The following APLP2 variants were observed in gnomAD, a reference collection of about 807,000 sequenced individuals.
APLP2 encodes amyloid beta precursor like protein 2.
In APLP2, 53 loss-of-function variants were observed where a neutral mutation model predicts 89.9. That is an observed-to-expected ratio of 0.59 (90% CI 0.47 to 0.74). The LOEUF is 0.74. APLP2 is among the 30% of genes least tolerant of loss of function. The probability of loss-of-function intolerance (pLI) is 0.00; values close to 1 mark genes in which losing one functional copy is unlikely to be tolerated. For synonymous variants in APLP2, 372 were observed against 348.6 expected (o/e 1.07, Z -0.75); for missense variants, 973 against 975.9 (o/e 1.00, Z 0.04).
chr11:130,122,775 C>T (rs913759904), intron 6 of APLP2, among the ~76,000 whole-genome samples: 2 of 152,176 alleles, frequency 1.3e-5, no homozygotes, highest in Non-Finnish European at 2.9e-5. Context: ...GTCCGCCCTT[C>T]AGCAGGATTC....
Position 130,123,704 on chromosome 11 carries a change from A to G in APLP2, c.1015A>G (p.Ile339Val). 1 of 1,614,268 alleles carries G rather than the reference A, an allele frequency of 6.2e-7. No homozygotes were observed. Among genetic ancestry groups the G allele is most frequent in the South Asian group, 1.1e-5 (1 of 91,090 alleles). Residue 339 changes from isoleucine (I) to valine (V), a missense_variant, in exon 7 of 17, where the codon ATA becomes GTA. Coordinates refer to ENST00000338167, the MANE Select transcript of APLP2 (RefSeq NM_001142276.2). The surrounding 1 kb of genome is among the most constrained non-coding windows in gnomAD (Gnocchi z 4.0). ...CTCCAAGGGAAAGTGCGTGCGCTTT[A>G]TATATGGTGGCTGCGGCGGCAACAG... ...DLSKGKCVRF[I>V]YGGCGGNRNN...
intron 3 of APLP2, among the ~76,000 whole-genome samples, chr11:130,119,994 A>G (rs1949636110): frequency 6.6e-6 from 1 of 152,222 alleles, no homozygotes; most frequent in Non-Finnish European, 1.5e-5. Flanking sequence ...GATATTTTTT[A>G]AGAGTCCATG....
At chr11:130,140,246 C>G in intron 13 of APLP2, 152 bp from the exon 14 acceptor site, 1 of 538,184 alleles carries the variant, frequency 1.9e-6, no homozygotes, top group Non-Finnish European at 3.3e-6. Context: ...CACAGGGCAC[C>G]CTCAGACTTG....
At chr11:130,134,380 G>A (rs552228749) in intron 12 of APLP2, among the ~76,000 whole-genome samples, 151 of 152,294 alleles carry the variant, frequency 9.9e-4, no homozygotes, top group African/African-American at 3.3e-3. Flanking sequence ...GGTAGCAGAG[G>A]GAGCGGCAGC....
At chr11:130,125,565 T>C (rs1033871071) in intron 7 of APLP2, among the ~76,000 whole-genome samples, 9 of 152,232 alleles carry the variant, frequency 5.9e-5, no homozygotes, top group Non-Finnish European at 2.9e-5. Flanking sequence ...GTCTGTTAAA[T>C]GGGCAAATAA....
chr11:130,090,758 C>G (rs879989224), intron 1 of APLP2, among the ~76,000 whole-genome samples: 1 of 152,238 alleles, frequency 6.6e-6, no homozygotes, highest in South Asian at 2.1e-4. Flanking sequence ...CATCCTGGCC[C>G]GCTCTCAATG....
chr11:130,129,180 G>C lies in APLP2; in HGVS notation c.1429G>C (p.Ala477Pro). 1 of 1,613,748 alleles carries C rather than the reference G, an allele frequency of 6.2e-7. No individual in the cohort carries two copies. Among genetic ancestry groups the C allele is most frequent in the Non-Finnish European group, 8.5e-7 (1 of 1,179,816 alleles). ...TCGGATGGCTCTGGAGAACTACCTG[G>C]CTGCCTTGCAGTCTGACCCGCCACG... The part of the protein sequence containing the change: ...RRRMALENYL[A>P]ALQSDPPRPH... Residue 477 changes from alanine (A) to proline (P), a missense_variant, in exon 10 of 17, where the codon GCT becomes CCT. Ala to Pro is a conservative substitution (Grantham distance 27). Transcript: ENST00000338167.
chr11:130,082,305 T>C (rs955147130), intron 1 of APLP2, among the ~76,000 whole-genome samples: 1 of 152,100 alleles, frequency 6.6e-6, no homozygotes, highest in African/African-American at 2.4e-5. Context: ...TGCCTCAGCC[T>C]CCTGAGCAGC....
chr11:130,094,414 C>A (rs1360515289), intron 1 of APLP2, among the ~76,000 whole-genome samples: 1 of 152,014 alleles, frequency 6.6e-6, no homozygotes, highest in Non-Finnish European at 1.5e-5. Flanking sequence ...GTCTTGAATT[C>A]TTGACCTCAA....
At chr11:130,132,145 C>T (rs963336393) in intron 11 of APLP2, among the ~76,000 whole-genome samples, 31 of 152,298 alleles carry the variant, frequency 2.0e-4, no homozygotes, top group African/African-American at 7.0e-4. Flanking sequence ...CTGTCTCACA[C>T]GGCTCCCGGT....
intron 1 of APLP2, chr11:130,101,784 G>A (rs1946963321): frequency 3.0e-6 from 1 of 328,462 alleles, no homozygotes; most frequent in Non-Finnish European, 6.0e-6. Flanking sequence ...TCAAAACCAG[G>A]AGGTTTGCAC....
Position 130,129,085 on chromosome 11 carries a change from C to T in APLP2, c.1334C>T (p.Ala445Val), listed in dbSNP as rs1033060111. 6.2e-7 allele frequency: 1 copy of T among 1,614,040 alleles called. No individual in the cohort carries two copies. Among genetic ancestry groups the T allele is most frequent in the African/African-American group, 1.3e-5 (1 of 74,916 alleles). The change falls in exon 10 of 17, where the codon GCA becomes GTA. Residue 445 changes from alanine to valine, a missense_variant. Ala to Val is a moderately conservative substitution (Grantham distance 64). Transcript: ENST00000338167. ...QAMVKALEKE[A>V]ASEKQQLVET... ...ATGGTTAAAGCTTTAGAGAAGGAAGCAGCCAGTGAGAAGCAGCAGCTGGTG... is the reference window on the plus strand; with the variant it reads ...ATGGTTAAAGCTTTAGAGAAGGAAGTAGCCAGTGAGAAGCAGCAGCTGGTG...
intron 1 of APLP2, chr11:130,070,760 C>T: frequency 7.1e-7 from 1 of 1,417,008 alleles, no homozygotes. Flanking sequence ...GCGTTGACCG[C>T]TTTCGTGAGG....
At position 130,129,198 on chromosome 11, in the gene APLP2, C is replaced by T. The variant is rs952447990; in HGVS notation, c.1447C>T (p.Pro483Ser). ...CTACCTGGCTGCCTTGCAGTCTGAC[C>T]CGCCACGGGTGAGTCCTGCCCCTAG... The part of the protein sequence containing the change: ...ENYLAALQSD[P>S]PRPHRILQAL... Residue 483 changes from proline (P) to serine (S), a missense_variant, in exon 10 of 17, where the codon CCG becomes TCG. Physicochemically the swap from Pro to Ser is moderately conservative, Grantham distance 74 (BLOSUM62 -1). Coordinates refer to ENST00000338167, the MANE Select transcript of APLP2 (RefSeq NM_001142276.2). The T allele has an allele frequency of 1.2e-6, 2 of 1,613,198 alleles. No homozygotes were observed. Among genetic ancestry groups the T allele is most frequent in the African/African-American group, 2.7e-5 (2 of 75,048 alleles).
intron 1 of APLP2, among the ~76,000 whole-genome samples, chr11:130,104,590 T>A (rs1947399192): frequency 6.6e-6 from 1 of 152,124 alleles, no homozygotes; most frequent in Admixed American, 6.5e-5. Context: ...TTTTAATGAT[T>A]TGTTTGAATT....
At chr11:130,136,558 G>A (rs558258488) in intron 13 of APLP2, among the ~76,000 whole-genome samples, 3 of 152,274 alleles carry the variant, frequency 2.0e-5, no homozygotes, top group Admixed American at 1.3e-4. Flanking sequence ...TCACAGACCT[G>A]ACTGGATATA....
intron 1 of APLP2, among the ~76,000 whole-genome samples, chr11:130,090,917 G>A (rs1342578381): frequency 6.7e-6 from 1 of 148,760 alleles, no homozygotes; most frequent in Non-Finnish European, 1.5e-5. Flanking sequence ...TCTCCCTCCC[G>A]GACGGGGCGG....
intron 1 of APLP2, among the ~76,000 whole-genome samples, chr11:130,073,529 T>A (rs753264660): frequency 2.0e-5 from 3 of 152,212 alleles, no homozygotes; most frequent in Non-Finnish European, 4.4e-5. Flanking sequence ...ACTTTTTCAA[T>A]TAAAAATGTT....
rs553962550 is a variant in APLP2 at position 130,083,026 on chromosome 11, C to CTTTTTTTTTTTTTTTTT, written c.105+12955_105+12971dup. Among the ~76,000 whole-genome samples the CTTTTTTTTTTTTTTTTT allele has an allele frequency of 7.3e-4, 53 of 72,524 alleles. 8 individuals are homozygous for CTTTTTTTTTTTTTTTTT. Among genetic ancestry groups the CTTTTTTTTTTTTTTTTT allele is most frequent in the East Asian group, 1.9e-3 (4 of 2,116 alleles). The allele number at this position is 72,524 out of a possible 152,430, so 47.6% of individuals were successfully genotyped here. On this transcript the variant is annotated intron_variant, in intron 1 of 16. Transcript: ENST00000338167. ...TATTAACCACTGAAACTTTTCTTTT[C>CTTTTTTTTTTTTTTTTT]TTTTTTTTTTTTTTTTTTTTTTTTT...
Sources: gnomAD v4.1 joint callset for allele counts (sites outside exome capture counted in the v4.1 genomes callset) on GRCh38, gnomAD v4.1.1 for gene constraint, Gnocchi (gnomAD v3.1) non-coding constraint, MANE v1.5 for transcripts, NCBI Gene and HGNC (gene_info 2026-07-23, HGNC 2026-07-21) for gene names.